The following XPO4 variants were observed in gnomAD, a reference collection of about 807,000 sequenced individuals.
XPO4 encodes exportin-4.
Under a neutral mutation model 143.0 loss-of-function variants are expected in XPO4, and 39 were observed. The observed-to-expected ratio is 0.27, with a 90% CI of 0.21 to 0.36. XPO4 has a LOEUF of 0.36. XPO4 is among the 10% of genes least tolerant of loss of function. The probability of loss-of-function intolerance (pLI) is 1.00; values close to 1 mark genes in which losing one functional copy is unlikely to be tolerated. For missense variants in XPO4, 907 were observed against 1,348.0 expected, an observed-to-expected ratio of 0.67 and a Z score of 5.12; for synonymous variants, 439 against 474.0, an observed-to-expected ratio of 0.93 and a Z score of 0.96.
At chr13:20,894,809 A>G (rs1299044951) in intron 1 of XPO4, among the ~76,000 whole-genome samples, 1 of 150,644 alleles carries the variant, frequency 6.6e-6, no homozygotes, top group African/African-American at 2.4e-5. Context: ...GCGCCATTGC[A>G]CTCCAGCCTG....
chr13:20,851,773 A>T, intron 4 of XPO4: 3 of 985,094 alleles, frequency 3.0e-6, no homozygotes, highest in Non-Finnish European at 3.6e-6. Flanking sequence ...ACTTTAAAAA[A>T]AACTTTGGAG....
rs1053192428 is a variant in XPO4, at chr13:20,851,453, C to T, written c.456+4174G>A. On this transcript the variant is annotated intron_variant, in intron 4 of 22. Transcript: ENST00000255305. ...CTTTAGGCCAGGCATGGTTGGCTCA[C>T]ACCTATAATCTTTGGGAGGCCAAGG... 14 of 984,656 alleles carry T rather than the reference C, an allele frequency of 1.4e-5. No individual in the cohort carries two copies. In the Admixed American group the frequency reaches 6.8e-4, roughly 48 times the overall value. The allele number at this position is 984,656 out of a possible 1,614,324, so 61.0% of individuals were successfully genotyped here.
At chr13:20,850,775 A>G (rs2060076968) in intron 4 of XPO4, 1 of 984,680 alleles carries the variant, frequency 1.0e-6, no homozygotes, top group Non-Finnish European at 1.2e-6. Flanking sequence ...TAAAACAACA[A>G]AACAAACAAA....
intron 9 of XPO4, among the ~76,000 whole-genome samples, chr13:20,821,444 A>G (rs1377995989): frequency 1.3e-5 from 2 of 152,224 alleles, no homozygotes; most frequent in Non-Finnish European, 2.9e-5. Context: ...AGCTCATTTC[A>G]TTCCATCTCT....
At chr13:20,873,570 C>G (rs1310936707) in intron 1 of XPO4, among the ~76,000 whole-genome samples, 3 of 152,182 alleles carry the variant, frequency 2.0e-5, no homozygotes, top group Non-Finnish European at 1.5e-5. Flanking sequence ...CTTCCTCTAT[C>G]GTGTTACTAA....
At chr13:20,790,081 G>T (rs1252642527) in intron 19 of XPO4, among the ~76,000 whole-genome samples, 4 of 152,144 alleles carry the variant, frequency 2.6e-5, no homozygotes, top group Non-Finnish European at 5.9e-5. Context: ...ACTTGAGAAT[G>T]ATGTTCAGAA....
intron 6 of XPO4, among the ~76,000 whole-genome samples, chr13:20,834,612 G>C (rs1342404339): frequency 6.6e-6 from 1 of 150,930 alleles, no homozygotes; most frequent in Non-Finnish European, 1.5e-5. Context: ...ATAATCTTTT[G>C]CTCTGGAAAC....
intron 4 of XPO4, among the ~76,000 whole-genome samples, chr13:20,855,417 T>C (rs2060133615): frequency 6.7e-6 from 1 of 149,296 alleles, no homozygotes; most frequent in South Asian, 2.1e-4. Context: ...ATCATGCCAT[T>C]GCACTCCAGC....
In XPO4 at chr13:20,781,595, T is replaced by G. The variant is rs1222879369; in HGVS notation, c.*2127A>C. On this transcript the variant is annotated 3_prime_UTR_variant, in exon 23 of 23. Transcript: ENST00000255305. ...GATCTGGGCAAATTTTGCAAATATG[T>G]TGCCATCTGGATAAAAGTTATTAAA... The G allele has an allele frequency of 6.6e-6, 1 of 152,620 alleles. No individual in the cohort carries two copies. Among genetic ancestry groups the G allele is most frequent in the African/African-American group, 2.4e-5 (1 of 41,462 alleles). The allele number at this position is 152,620 out of a possible 1,614,324, so 9.5% of individuals were successfully genotyped here. A position where few individuals can be genotyped will look rare whatever the true frequency, so the allele number is the denominator to read the frequency against.
intron 9 of XPO4, among the ~76,000 whole-genome samples, chr13:20,810,351 T>G (rs1053241348): frequency 3.3e-5 from 5 of 152,166 alleles, no homozygotes; most frequent in Non-Finnish European, 7.3e-5. Flanking sequence ...TTTAAGAATA[T>G]GTGGGGAGAA....
At chr13:20,870,699 G>C (rs1595148676) in intron 1 of XPO4, among the ~76,000 whole-genome samples, 2 of 149,772 alleles carry the variant, frequency 1.3e-5, no homozygotes, top group African/African-American at 4.9e-5. Context: ...CACTGCACTA[G>C]AGCCTAGGTG....
intron 20 of XPO4, among the ~76,000 whole-genome samples, chr13:20,788,033 G>T (rs1048635559): frequency 1.3e-5 from 2 of 150,644 alleles, no homozygotes; most frequent in African/African-American, 4.9e-5. Flanking sequence ...AGCAGTTACA[G>T]AGGTGACAGT....
At chr13:20,864,828 C>T (rs1350611772) in intron 2 of XPO4, among the ~76,000 whole-genome samples, 1 of 150,734 alleles carries the variant, frequency 6.6e-6, no homozygotes, top group South Asian at 2.1e-4. Flanking sequence ...ATGATGATCT[C>T]TAAATGACTA....
chr13:20,870,089 C>A (rs868494910), intron 1 of XPO4, among the ~76,000 whole-genome samples: 1,336 of 98,506 alleles, frequency 0.014, no homozygotes, highest in South Asian at 0.015. Context: ...GAAGGAGTCT[C>A]AAAAAAAAAA....
intron 9 of XPO4, among the ~76,000 whole-genome samples, chr13:20,818,752 T>A (rs985719610): frequency 6.6e-6 from 1 of 152,218 alleles, no homozygotes; most frequent in Non-Finnish European, 1.5e-5. Flanking sequence ...AGGCTCATTT[T>A]AAAAAATTAT....
Position 20,902,673 on chromosome 13 carries a change from C to G in XPO4, c.66G>C (p.Leu22=). The change falls in exon 1 of 23, where the codon CTG becomes CTC. Residue 22 remains leucine (L), a synonymous_variant. Transcript: ENST00000255305. ...IAQLENAAKV[L]MAPPSMVNNE... ...CTGAGGGGCGCGGCGTCCTCACCAT[C>G]AGAACTTTAGCCGCGTTCTCCAGCT... is the stretch of plus-strand genomic sequence containing the variant. The G allele has an allele frequency of 6.3e-7, 1 of 1,577,918 alleles. No individual in the cohort carries two copies. The highest frequency in any genetic ancestry group is 8.6e-7 in the Non-Finnish European group (1 of 1,162,648).
chr13:20,822,791 C>G (rs564167004), intron 7 of XPO4, among the ~76,000 whole-genome samples: 2 of 152,124 alleles, frequency 1.3e-5, no homozygotes, highest in Non-Finnish European at 2.9e-5. Context: ...ATAATGAGCA[C>G]GTTCTTTTAT....
chr13:20,859,724 CAG>C, intron 3 of XPO4: 1 of 346,204 alleles, frequency 2.9e-6, no homozygotes, highest in Non-Finnish European at 4.0e-6. Flanking sequence ...TTGCAGTGAG[CAG>C]AGATCACGCC....
chr13:20,841,037 C>T (rs937781019), intron 6 of XPO4, among the ~76,000 whole-genome samples: 2 of 152,150 alleles, frequency 1.3e-5, no homozygotes, highest in Non-Finnish European at 2.9e-5. Context: ...TGTTTCCAAA[C>T]TCCCAGAGAA....
Sources: allele counts gnomAD v4.1 joint callset (sites outside exome capture counted in the v4.1 genomes callset), GRCh38; gene constraint gnomAD v4.1.1; transcripts MANE v1.5; gene names NCBI Gene and HGNC (gene_info 2026-07-23, HGNC 2026-07-21).